The following ADAMTSL1 variants were observed in gnomAD, a reference collection of about 807,000 sequenced individuals.
The protein encoded by ADAMTSL1 is ADAMTS-like protein 1.
A neutral mutation model predicts 201.8 loss-of-function variants in ADAMTSL1; 126 were observed. That is an observed-to-expected ratio of 0.62 (90% confidence interval 0.54 to 0.72). The LOEUF (loss-of-function observed/expected upper bound fraction) is 0.72, where lower values mean the gene tolerates loss of function less well. Ranked by LOEUF, ADAMTSL1 falls within the 30% of genes least tolerant of loss-of-function variation. ADAMTSL1 has a pLI of 0.00. For synonymous variants in ADAMTSL1, 1,121 were observed against 903.4 expected, an observed-to-expected ratio of 1.24 and a Z score of -4.32; for missense variants, 2,679 against 2,277.8, an observed-to-expected ratio of 1.18 and a Z score of -3.59.
At chr9:18,000,685 C>CAA (rs1819575186) in intron 1 of ADAMTSL1, among the ~76,000 whole-genome samples, 1 of 151,986 alleles carries the variant, frequency 6.6e-6, no homozygotes, top group African/African-American at 2.4e-5. Context: ...TGTTGGCAAG[C>CAA]AATTGAAACA....
At chr9:18,815,173 G>C (rs1823755091) in intron 20 of ADAMTSL1, among the ~76,000 whole-genome samples, 1 of 152,016 alleles carries the variant, frequency 6.6e-6, no homozygotes, top group Non-Finnish European at 1.5e-5. Flanking sequence ...ATTAAAACTA[G>C]AACTACCATA....
intron 5 of ADAMTSL1, among the ~76,000 whole-genome samples, chr9:18,624,696 A>T (rs1826245783): frequency 6.6e-6 from 1 of 152,100 alleles, no homozygotes; most frequent in Non-Finnish European, 1.5e-5. Flanking sequence ...TTAGGGAGGG[A>T]TGGGTGACCT....
At chr9:18,394,639 G>T (rs971374647) in intron 2 of ADAMTSL1, among the ~76,000 whole-genome samples, 4 of 152,090 alleles carry the variant, frequency 2.6e-5, no homozygotes, top group African/African-American at 7.2e-5. Flanking sequence ...CTTGAGTGTA[G>T]ATAAAAGAAA....
chr9:18,414,409 T>G (rs995090946), intron 2 of ADAMTSL1, among the ~76,000 whole-genome samples: 5 of 152,202 alleles, frequency 3.3e-5, no homozygotes, highest in African/African-American at 4.8e-5. Context: ...TATTAAGCAT[T>G]TTTAAAAAGA....
intron 1 of ADAMTSL1, among the ~76,000 whole-genome samples, chr9:18,158,538 A>C (rs979036442): frequency 2.6e-5 from 4 of 152,014 alleles, no homozygotes; most frequent in African/African-American, 9.7e-5. Context: ...TCAAAGTATT[A>C]ATTCCCTTTC....
At chr9:18,797,091 C>T (rs1822468883) in intron 20 of ADAMTSL1, among the ~76,000 whole-genome samples, 1 of 152,118 alleles carries the variant, frequency 6.6e-6, no homozygotes, top group African/African-American at 2.4e-5. Context: ...TTGGAGGCTG[C>T]CAACAAGTTC....
intron 2 of ADAMTSL1, among the ~76,000 whole-genome samples, chr9:18,390,342 C>T (rs75671923): frequency 0.028 from 4,219 of 152,232 alleles, 204 homozygotes; most frequent in African/African-American, 0.096. Context: ...ACAACTAGCA[C>T]GGTAACTTCT....
chr9:18,906,528 T>C (rs1830319829), intron 27 of ADAMTSL1, among the ~76,000 whole-genome samples, 164 bp from the exon 28 acceptor site: 1 of 152,222 alleles, frequency 6.6e-6, no homozygotes, highest in Non-Finnish European at 1.5e-5. Context: ...CTTGAGATCA[T>C]ATGGCCTTTT....
At chr9:18,184,424 A>C (rs1160672654) in intron 2 of ADAMTSL1, among the ~76,000 whole-genome samples, 2 of 151,872 alleles carry the variant, frequency 1.3e-5, no homozygotes, top group Admixed American at 6.6e-5. Flanking sequence ...TTTTACAAGA[A>C]TTTTTTTTTA....
intron 2 of ADAMTSL1, among the ~76,000 whole-genome samples, chr9:18,259,391 G>A (rs568830960): frequency 1.3e-5 from 2 of 152,066 alleles, no homozygotes; most frequent in Non-Finnish European, 2.9e-5. Context: ...CAGGCATGGT[G>A]GCACATGCCT....
Position 18,837,846 on chromosome 9 carries a change from G to A in ADAMTSL1, c.4249+7869G>A, listed in dbSNP as rs377072606. On this transcript the variant is annotated intron_variant, in intron 23 of 28. Coordinates refer to ENST00000380548, the MANE Select transcript of ADAMTSL1 (RefSeq NM_001040272.6). ...GAAAATGTTTGCCAACCCCTGATCC[G>A]GTCCCTCTACCTTATTATTGGAAAG... Among the ~76,000 whole-genome samples, 21 of 152,130 alleles carry A rather than the reference G, an allele frequency of 1.4e-4. No homozygotes were observed. The South Asian group carries it at 1.5e-3, about 11-fold the overall frequency.
intron 20 of ADAMTSL1, among the ~76,000 whole-genome samples, chr9:18,807,835 T>C (rs16937112): frequency 0.033 from 4,982 of 152,240 alleles, 272 homozygotes; most frequent in African/African-American, 0.11. Flanking sequence ...TAATTTATCA[T>C]TTCACTCCTT....
chr9:18,532,642 A>T (rs1007057387), intron 2 of ADAMTSL1, among the ~76,000 whole-genome samples: 22 of 152,100 alleles, frequency 1.4e-4, no homozygotes, highest in African/African-American at 5.3e-4. Flanking sequence ...TTTTTTATTT[A>T]TACTGGAAAG....
intron 2 of ADAMTSL1, among the ~76,000 whole-genome samples, chr9:18,359,833 C>CCCA (rs1563911500): frequency 8.4e-6 from 1 of 118,842 alleles, no homozygotes; most frequent in African/African-American, 3.2e-5. Flanking sequence ...ACCCGCCCCC[C>CCCA]CGCCCACACA....
intron 1 of ADAMTSL1, among the ~76,000 whole-genome samples, chr9:17,913,515 C>T (rs1335345363): frequency 6.6e-6 from 1 of 151,990 alleles, no homozygotes; most frequent in Non-Finnish European, 1.5e-5. Flanking sequence ...GGGACACATT[C>T]AAAGTAGTGT....
At chr9:18,644,849 C>T (rs1240164675) in intron 7 of ADAMTSL1, among the ~76,000 whole-genome samples, 1 of 151,816 alleles carries the variant, frequency 6.6e-6, no homozygotes, top group East Asian at 1.9e-4. Context: ...AATAAACATA[C>T]GTGTGCATGT....
chr9:18,312,505 C>G (rs1834195112), intron 2 of ADAMTSL1, among the ~76,000 whole-genome samples: 1 of 152,162 alleles, frequency 6.6e-6, no homozygotes, highest in East Asian at 1.9e-4. Flanking sequence ...ACTTGAGTTG[C>G]TTTTGCCTGG....
chr9:18,193,086 G>T, intron 2 of ADAMTSL1, among the ~76,000 whole-genome samples: 1 of 152,182 alleles, frequency 6.6e-6, no homozygotes. Context: ...TCCTTTTCCA[G>T]GTTTTTTTGG....
intron 2 of ADAMTSL1, among the ~76,000 whole-genome samples, chr9:18,254,372 T>TTTTTTTTTG (rs1563837432): frequency 1.7e-5 from 2 of 119,604 alleles, no homozygotes; most frequent in Non-Finnish European, 3.5e-5. Flanking sequence ...TTTTTTTTTT[T>TTTTTTTTTG]TTTTTTTTGA....
Sources: allele counts gnomAD v4.1 joint callset (sites outside exome capture counted in the v4.1 genomes callset), GRCh38; gene constraint gnomAD v4.1.1; transcripts MANE v1.5; gene names NCBI Gene and HGNC (gene_info 2026-07-23, HGNC 2026-07-21).